The following TRNAU1AP variants were observed in gnomAD, a reference collection of about 807,000 sequenced individuals.
The protein encoded by TRNAU1AP is tRNA selenocysteine 1 associated protein 1, also known as tRNA selenocysteine 1-associated protein 1.
In TRNAU1AP, 33 loss-of-function variants were observed where a neutral mutation model predicts 43.3. That is an observed-to-expected ratio of 0.76 (90% CI 0.58 to 1.02). TRNAU1AP has a LOEUF of 1.02. Among genes scored for constraint, TRNAU1AP ranks in the 50% least tolerant of loss-of-function variants. The pLI, the probability that TRNAU1AP is intolerant of heterozygous loss-of-function variation, is 0.00. For synonymous variants in TRNAU1AP, 143 were observed against 129.1 expected (o/e 1.11, Z -0.73); for missense variants, 290 against 362.7 (o/e 0.80, Z 1.63).
chr1:28,565,130 C>T, intron 5 of TRNAU1AP: 1 of 352,654 alleles, frequency 2.8e-6, no homozygotes, highest in Non-Finnish European at 5.2e-6. Flanking sequence ...ATTTGAAATG[C>T]TTTATAGGTG....
Position 28,564,761 on chromosome 1 carries a change from T to C in TRNAU1AP, c.337T>C (p.Tyr113His). 6.2e-7 allele frequency: 1 copy of C among 1,614,180 alleles called. No homozygotes were observed. The highest frequency in any genetic ancestry group is 8.5e-7 in the Non-Finnish European group (1 of 1,180,032). ...LTPDVDDGML[Y>H]EFFVKVYPSC... ...CCCGGACGTGGATGATGGCATGCTG[T>C]ATGAATTCTTCGTCAAAGTCTACCC... The change falls in exon 5 of 9, where the codon TAT becomes CAT. Residue 113 changes from tyrosine (Y) to histidine (H), a missense_variant. Tyr to His is a moderately conservative substitution (Grantham distance 83). Around this residue, in one of 3 missense-constraint regions of TRNAU1AP, gnomAD observed 174 missense variants for 262.1 expected, o/e 0.66. Transcript: ENST00000373830.
In TRNAU1AP at chr1:28,567,297, T is replaced by C; in HGVS notation, c.414T>C (p.Gly138=). 1.2e-6 allele frequency: 2 copies of C among 1,612,012 alleles called. No homozygotes were observed. The highest frequency in any genetic ancestry group is 1.3e-5 in the African/African-American group (1 of 74,856). The change falls in exon 6 of 9, where the codon GGT becomes GGC. Residue 138 remains glycine (G), a synonymous_variant. Coordinates refer to ENST00000373830, the MANE Select transcript of TRNAU1AP (RefSeq NM_017846.5). ...ATTGTATATTTTTTTCATGCAGGGG[T>C]TATGGTTTTGTGAAATTCACAGATG... is the stretch of plus-strand genomic sequence containing the variant. ...VVLDQTGVSK[G]YGFVKFTDEL... is the part of the protein sequence containing the mutation.
intron 6 of TRNAU1AP, among the ~76,000 whole-genome samples, chr1:28,568,714 G>A (rs1003144648): frequency 3.9e-5 from 6 of 152,036 alleles, no homozygotes; most frequent in African/African-American, 1.5e-4. Context: ...TATCGGCCAA[G>A]GATACTGTTA....
intron 3 of TRNAU1AP, 139 bp downstream of exon 3, chr1:28,560,871 C>G (rs899272200): frequency 2.3e-6 from 2 of 885,288 alleles, no homozygotes; most frequent in Non-Finnish European, 3.3e-6. Flanking sequence ...TTTGTAGGCC[C>G]AGGAAACTGA....
At chr1:28,564,644 G>A in intron 4 of TRNAU1AP, 59 bp from the exon 5 acceptor site, 2 of 1,569,084 alleles carry the variant, frequency 1.3e-6, no homozygotes, top group Non-Finnish European at 1.7e-6. Context: ...ATGCAAAAGA[G>A]CTTTTCAGAG....
intron 5 of TRNAU1AP, 119 bp downstream of exon 5, chr1:28,564,953 A>G: frequency 7.9e-7 from 1 of 1,266,458 alleles, no homozygotes; most frequent in Non-Finnish European, 1.1e-6. Context: ...TCTGGAGCCA[A>G]ACTGCCTGGT....
intron 2 of TRNAU1AP, among the ~76,000 whole-genome samples, chr1:28,559,846 C>T (rs950713731): frequency 3.9e-5 from 6 of 152,018 alleles, no homozygotes; most frequent in Admixed American, 3.9e-4. Context: ...CTAAATGAGT[C>T]TGGGGCCAGG....
chr1:28,557,422 A>G (rs1337281135), intron 2 of TRNAU1AP, among the ~76,000 whole-genome samples: 1 of 151,678 alleles, frequency 6.6e-6, no homozygotes, highest in African/African-American at 2.4e-5. Context: ...TCTGTCTCAA[A>G]AAAAAGAAAA....
At chr1:28,557,849 AG>A (rs973812959) in intron 2 of TRNAU1AP, among the ~76,000 whole-genome samples, 11 of 150,232 alleles carry the variant, frequency 7.3e-5, no homozygotes, top group African/African-American at 2.7e-4. Flanking sequence ...GGCCTCCCAA[AG>A]TTCTGGGATT....
rs964673253 is a variant in TRNAU1AP at position 28,578,527 on chromosome 1, A to G, written c.*891A>G. 2 of 321,606 alleles carry G rather than the reference A, an allele frequency of 6.2e-6. No individual in the cohort carries two copies. Among genetic ancestry groups the G allele is most frequent in the Non-Finnish European group, 1.3e-5 (2 of 155,250 alleles). The allele number at this position is 321,606 out of a possible 1,614,324, so 19.9% of individuals were successfully genotyped here. On this transcript the variant is annotated 3_prime_UTR_variant, in exon 9 of 9. Coordinates refer to ENST00000373830, the MANE Select transcript of TRNAU1AP (RefSeq NM_017846.5). ...CAGTTCGGTCTCTACAAAAAAATACAAACACAAATATACTTTTATTAGTCT... is the reference window on the plus strand; with the variant it reads ...CAGTTCGGTCTCTACAAAAAAATACGAACACAAATATACTTTTATTAGTCT...
At chr1:28,555,060 A>G (rs527952618) in intron 2 of TRNAU1AP, among the ~76,000 whole-genome samples, 3 of 151,632 alleles carry the variant, frequency 2.0e-5, no homozygotes, top group East Asian at 3.9e-4. Context: ...CAACATGGAG[A>G]AACCCTGTCT....
chr1:28,561,081 T>A, intron 3 of TRNAU1AP: 20 of 1,372,190 alleles, frequency 1.5e-5, no homozygotes, highest in Non-Finnish European at 1.9e-5. Flanking sequence ...AAGGACACAT[T>A]TCAAGAGAGT....
intron 6 of TRNAU1AP, among the ~76,000 whole-genome samples, chr1:28,569,990 G>C (rs947978619): frequency 2.6e-5 from 4 of 151,534 alleles, no homozygotes; most frequent in Non-Finnish European, 5.9e-5. Flanking sequence ...GACAGAGCAA[G>C]ACTCTCTCAA....
In TRNAU1AP at chr1:28,553,555, C is replaced by A. The variant is rs1665182980; in HGVS notation, c.28-85C>A. 3.0e-6 allele frequency: 4 copies of A among 1,326,742 alleles called. No individual in the cohort carries two copies. The Admixed American group carries it at 7.4e-5, about 25-fold the overall frequency. The allele number at this position is 1,326,742 out of a possible 1,614,324, so 82.2% of individuals were successfully genotyped here. ...GCTCCCCCAGCGGCGCGTAGCCAGC[C>A]CTGGGCTGAACGGGAGGGGCTCTGG... is the stretch of plus-strand genomic sequence containing the variant. On this transcript the variant is annotated intron_variant, in intron 1 of 8. Coordinates refer to ENST00000373830, the MANE Select transcript of TRNAU1AP (RefSeq NM_017846.5).
At position 28,578,429 on chromosome 1, in the gene TRNAU1AP, T is replaced by G. The variant is rs1228772898; in HGVS notation, c.*793T>G. On this transcript the variant is annotated 3_prime_UTR_variant, in exon 9 of 9. Transcript: ENST00000373830. ...CATTCATCCTACATCATAAAAAATC[T>G]CCAAAGATCTCTTTAAGGGCTGGGC... 1 of 229,010 alleles carries G rather than the reference T, an allele frequency of 4.4e-6. No individual in the cohort carries two copies. Among genetic ancestry groups the G allele is most frequent in the Non-Finnish European group, 8.8e-6 (1 of 113,298 alleles). The allele number at this position is 229,010 out of a possible 1,614,324, so 14.2% of individuals were successfully genotyped here.
At chr1:28,554,696 T>C (rs575635905) in intron 2 of TRNAU1AP, among the ~76,000 whole-genome samples, 5 of 151,614 alleles carry the variant, frequency 3.3e-5, no homozygotes, top group African/African-American at 1.2e-4. Flanking sequence ...CAAAAAAAAT[T>C]AGCTGGGCAT....
At chr1:28,574,918 T>C (rs1570260416) in intron 8 of TRNAU1AP, among the ~76,000 whole-genome samples, 1 of 151,940 alleles carries the variant, frequency 6.6e-6, no homozygotes, top group African/African-American at 2.4e-5. Context: ...AGTGACCTTG[T>C]GGGGTGGGCT....
rs771521043 is a variant in TRNAU1AP at position 28,560,732 on chromosome 1, T to G, written c.225T>G (p.Pro75=). ...GGAAACCCCTTCCAGGAGCCACACC[T>G]GTAAGGACATTTAGATAATGATGAT... The part of the protein sequence containing the change: ...INGKPLPGAT[P]AKRFKLNYAT... The change falls in exon 3 of 9, where the codon CCT becomes CCG. Residue 75 remains proline, a splice_region_variant and synonymous_variant. Transcript: ENST00000373830. 6.2e-7 allele frequency: 1 copy of G among 1,608,688 alleles called. No homozygotes were observed. Among genetic ancestry groups the G allele is most frequent in the Admixed American group, 1.7e-5 (1 of 59,834 alleles).
At chr1:28,573,776 A>AGC (rs1351627256) in intron 8 of TRNAU1AP, among the ~76,000 whole-genome samples, 1 of 151,532 alleles carries the variant, frequency 6.6e-6, no homozygotes, top group African/African-American at 2.4e-5. Context: ...CTGTCTCAAA[A>AGC]AAAAAAAAAA....
Sources: gnomAD v4.1 joint callset for allele counts (sites outside exome capture counted in the v4.1 genomes callset) on GRCh38, gnomAD v4.1.1 for gene constraint, gnomAD v4.1.1 regional missense constraint, MANE v1.5 for transcripts, NCBI Gene and HGNC (gene_info 2026-07-23, HGNC 2026-07-21) for gene names.